CLDN25: variants seen among roughly 807,000 people sequenced by gnomAD.
The protein encoded by CLDN25 is claudin-25.
For missense variants in CLDN25, 286 were observed against 279.7 expected (o/e 1.02, Z -0.16); for synonymous variants, 117 against 112.7 (o/e 1.04, Z -0.24).
At chr11:113,780,353 G>A (rs751679089) in exon 1 of CLDN25, 29 of 1,613,602 alleles carry the variant, frequency 1.8e-5, no homozygotes, top group African/African-American at 2.7e-5. Context: ...TCATCTTCTC[G>A]GCCTGCCTGG....
chr11:113,780,057 C>A (rs2134912987), exon 1 of CLDN25: 1 of 1,614,094 alleles, frequency 6.2e-7, no homozygotes, highest in Non-Finnish European at 8.5e-7. Flanking sequence ...GGTAGCCTCC[C>A]ATGGGCTGGG....
Sources: allele counts gnomAD v4.1 joint callset, GRCh38; gene constraint gnomAD v4.1.1; transcripts MANE v1.5; gene names NCBI Gene and HGNC (gene_info 2026-07-23, HGNC 2026-07-21).